ZNF346: variants seen among roughly 807,000 people sequenced by gnomAD.
The protein encoded by ZNF346 is double-stranded RNA-binding zinc finger protein JAZ.
Under a neutral mutation model 33.7 loss-of-function variants are expected in ZNF346, and 23 were observed. The observed-to-expected ratio is 0.68, with a 90% CI of 0.49 to 0.97. The LOEUF is 0.97. ZNF346 is among the 50% of genes least tolerant of loss of function. The probability of loss-of-function intolerance (pLI) is 0.00; values close to 1 mark genes in which losing one functional copy is unlikely to be tolerated. For synonymous variants in ZNF346, 134 were observed against 142.4 expected (o/e 0.94, Z 0.42); for missense variants, 340 against 371.1 (o/e 0.92, Z 0.69).
rs1460178896 is a variant in ZNF346, at chr5:177,033,672, C to T, written c.176-7454C>T. ...CTGAGTGGCTGGGACTACAGGCACCCGCCACCACACATGGCTAATTTTTTG... is the reference window on the plus strand; with the variant it reads ...CTGAGTGGCTGGGACTACAGGCACCTGCCACCACACATGGCTAATTTTTTG... On this transcript the variant is annotated intron_variant, in intron 1 of 6. Transcript: ENST00000358149. 3.3e-5 allele frequency among the ~76,000 whole-genome samples: 5 copies of T among 151,968 alleles called. No individual in the cohort carries two copies. In the East Asian group the frequency reaches 5.8e-4, roughly 18 times the overall value.
At chr5:177,059,400 C>T (rs1439855961) in intron 5 of ZNF346, among the ~76,000 whole-genome samples, 2 of 152,140 alleles carry the variant, frequency 1.3e-5, no homozygotes, top group Non-Finnish European at 2.9e-5. Context: ...AAGTATGGAC[C>T]TACTGTAAGA....
rs1779743298 is a variant in ZNF346, at chr5:177,044,266, AG to A, written c.373-121del. 3 of 1,024,052 alleles carry A rather than the reference AG, an allele frequency of 2.9e-6. No homozygotes were observed. In the Admixed American group the frequency reaches 6.9e-5, roughly 23 times the overall value. 63.4% of individuals were successfully genotyped at this position (1,024,052 alleles called of 1,614,324 possible). ...GTAGCTGGAGAAGAATCTAGAAAGT[AG>A]GTTGGGGTTAATGTGTGAGGGGGGC... On this transcript the variant is annotated intron_variant, in intron 3 of 6. Coordinates refer to ENST00000358149, the MANE Select transcript of ZNF346 (RefSeq NM_012279.4).
intron 8 of ZNF346, among the ~76,000 whole-genome samples, chr5:177,078,299 A>G (rs1236713413): frequency 6.6e-6 from 1 of 152,210 alleles, no homozygotes; most frequent in African/African-American, 2.4e-5. Flanking sequence ...ATAAGCAAAG[A>G]CGCCACGGTG....
intron 5 of ZNF346, among the ~76,000 whole-genome samples, chr5:177,057,921 A>G (rs1781957801): frequency 6.6e-6 from 1 of 151,166 alleles, no homozygotes; most frequent in African/African-American, 2.4e-5. Context: ...TCCTGGGTTC[A>G]AGCAATTCTC....
chr5:177,071,284 C>T (rs1204549903), downstream of ZNF346, among the ~76,000 whole-genome samples: 3 of 152,026 alleles, frequency 2.0e-5, no homozygotes, highest in Non-Finnish European at 2.9e-5. Flanking sequence ...CCTGCAATCC[C>T]ATCTGCTCGG....
At chr5:177,045,310 G>T (rs1241042244) in intron 4 of ZNF346, among the ~76,000 whole-genome samples, 1 of 152,026 alleles carries the variant, frequency 6.6e-6, no homozygotes, top group Non-Finnish European at 1.5e-5. Flanking sequence ...TGTGTTTACT[G>T]ACAACTGTGT....
chr5:177,051,170 CTTTTTT>C (rs906484576), intron 5 of ZNF346, among the ~76,000 whole-genome samples: 8 of 104,844 alleles, frequency 7.6e-5, no homozygotes, highest in Non-Finnish European at 1.1e-4. Flanking sequence ...GTTTTCTTTT[CTTTTTT>C]TTTTTTTTTT....
intron 1 of ZNF346, among the ~76,000 whole-genome samples, chr5:177,038,265 T>G (rs994955235): frequency 2.7e-5 from 4 of 148,678 alleles, no homozygotes; most frequent in East Asian, 2.0e-4. Flanking sequence ...CGTTTTTTTT[T>G]TTTGTGTGTG....
rs1783215794 is a variant in ZNF346, at chr5:177,066,896, T to C, written c.*2297T>C. The stretch of plus-strand genomic sequence containing the variant: ...CAACATGATGGCAAAACCCCGTCCC[T>C]ATAAAAAATACGAAAATCAGCTGCG... On this transcript the variant is annotated 3_prime_UTR_variant, in exon 7 of 7. Transcript: ENST00000358149. Among the ~76,000 whole-genome samples, 1 of 152,088 alleles carries C rather than the reference T, an allele frequency of 6.6e-6. No individual in the cohort carries two copies. The highest frequency in any genetic ancestry group is 1.5e-5 in the Non-Finnish European group (1 of 68,018).
chr5:177,026,352 A>ATTT (rs59380094), intron 1 of ZNF346, among the ~76,000 whole-genome samples: 42 of 101,914 alleles, frequency 4.1e-4, no homozygotes, highest in African/African-American at 1.0e-3. Flanking sequence ...TGGATTGGTA[A>ATTT]TTTTTTTTTT....
At chr5:177,051,140 G>T (rs545828377) in intron 5 of ZNF346, among the ~76,000 whole-genome samples, 1 of 151,262 alleles carries the variant, frequency 6.6e-6, no homozygotes, top group African/African-American at 2.4e-5. Flanking sequence ...TTCCTACTCA[G>T]CTGTTACCAT....
At chr5:177,069,795 G>A (rs929542800), downstream of ZNF346, among the ~76,000 whole-genome samples, 3 of 152,152 alleles carry the variant, frequency 2.0e-5, no homozygotes, top group Admixed American at 6.5e-5. Flanking sequence ...CCAAGTAGCT[G>A]GGACTACAGG....
At chr5:177,061,432 A>G (rs377310846) in intron 5 of ZNF346, among the ~76,000 whole-genome samples, 64 of 152,314 alleles carry the variant, frequency 4.2e-4, no homozygotes, top group East Asian at 3.1e-3. Context: ...CCACAGAGCG[A>G]GACTCCGTCT....
chr5:177,037,457 C>T (rs537210947), intron 1 of ZNF346, among the ~76,000 whole-genome samples: 232 of 152,232 alleles, frequency 1.5e-3, no homozygotes, highest in African/African-American at 5.3e-3. Flanking sequence ...ACTCACATAA[C>T]GAAAAGTCTT....
At chr5:177,033,268 G>C (rs935106954) in intron 1 of ZNF346, among the ~76,000 whole-genome samples, 6 of 152,060 alleles carry the variant, frequency 3.9e-5, no homozygotes, top group Non-Finnish European at 7.4e-5. Context: ...TTGTAAAGAT[G>C]AGGTCTCACT....
intron 3 of ZNF346, among the ~76,000 whole-genome samples, chr5:177,042,925 C>G (rs921312291): frequency 6.6e-6 from 1 of 152,178 alleles, no homozygotes; most frequent in African/African-American, 2.4e-5. Context: ...GATCTCAGCT[C>G]ACTGCAACCT....
At chr5:177,079,163 T>C (rs1186115920) in intron 8 of ZNF346, among the ~76,000 whole-genome samples, 2 of 150,814 alleles carry the variant, frequency 1.3e-5, no homozygotes, top group Non-Finnish European at 2.9e-5. Flanking sequence ...TCCCAGCTAC[T>C]CAGGAGGGTG....
chr5:177,051,028 T>A, intron 5 of ZNF346, 92 bp downstream of exon 5: 3 of 990,416 alleles, frequency 3.0e-6, no homozygotes, highest in Non-Finnish European at 4.7e-6. Flanking sequence ...CCTCCTTAGG[T>A]CTTGTAAGTA....
At chr5:177,035,551 C>G (rs2149606860) in intron 1 of ZNF346, among the ~76,000 whole-genome samples, 1 of 151,988 alleles carries the variant, frequency 6.6e-6, no homozygotes, top group Middle Eastern at 3.4e-3. Flanking sequence ...GCCTCCGCCT[C>G]CCGGGTTCAA....
Sources: gnomAD v4.1 joint callset for allele counts (sites outside exome capture counted in the v4.1 genomes callset) on GRCh38, gnomAD v4.1.1 for gene constraint, MANE v1.5 for transcripts, NCBI Gene and HGNC (gene_info 2026-07-23, HGNC 2026-07-21) for gene names.